Variants in PLK3 observed in about 807,000 individuals in gnomAD.
The protein encoded by PLK3 is serine/threonine-protein kinase PLK3.
In PLK3, 41 loss-of-function variants were observed where a neutral mutation model predicts 71.6. That is an observed-to-expected ratio of 0.57 (90% CI 0.45 to 0.74). The LOEUF (loss-of-function observed/expected upper bound fraction) is 0.74. PLK3 is among the 30% of genes least tolerant of loss of function. PLK3 has a pLI of 0.00. For synonymous variants in PLK3, 366 were observed against 355.4 expected (o/e 1.03, Z -0.33); for missense variants, 791 against 875.6 (o/e 0.90, Z 1.22).
In PLK3 at chr1:44,804,791, G is replaced by A. The variant is rs375165981; in HGVS notation, c.1635+12G>A. On this transcript the variant is annotated intron_variant, in intron 13 of 14. Coordinates refer to ENST00000372201, the MANE Select transcript of PLK3 (RefSeq NM_004073.4). Reference sequence around the variant, plus strand: ...AGCACCTCATGAAGGTGTGAGGGCTGGGGCTGTGGTACATTGAAACCTAAC... The same window carrying A: ...AGCACCTCATGAAGGTGTGAGGGCTAGGGCTGTGGTACATTGAAACCTAAC... 45 of 1,613,048 alleles carry A rather than the reference G, an allele frequency of 2.8e-5. No individual in the cohort carries two copies. Among genetic ancestry groups the A allele is most frequent in the Non-Finnish European group, 3.5e-5 (41 of 1,179,430 alleles).
chr1:44,803,994 C>A lies in PLK3; in HGVS notation c.1228C>A (p.Pro410Thr), dbSNP rs1367481188. The change falls in exon 10 of 15, where the codon CCC becomes ACC. Residue 410 changes from proline to threonine, a missense_variant. By Grantham distance (38) the Pro-to-Thr change is conservative. Coordinates refer to ENST00000372201, the MANE Select transcript of PLK3 (RefSeq NM_004073.4). This position sits in a 1 kb window ranked among gnomAD's most constrained non-coding sequence, Gnocchi z 4.3. ...LVETAPEDSS[P>T]RGTLASSGDG... ...AGAGACAGCACCTGAAGACAGCTCA[C>A]CCCGTGGGACACTGGCAAGCAGTGG... 8 of 1,554,000 alleles carry A rather than the reference C, an allele frequency of 5.1e-6. No individual in the cohort carries two copies. Among genetic ancestry groups the A allele is most frequent in the Non-Finnish European group, 5.2e-6 (6 of 1,147,624 alleles).
In PLK3 at chr1:44,803,091, C is replaced by A; in HGVS notation, c.886C>A (p.Arg296=). ...PARQLLAAIL[R]ASPRDRPSID... is the part of the protein sequence containing the mutation. ...CCGGCAGCTCCTGGCCGCCATCCTTCGGGCCTCACCCCGAGACCGCCCCTC... is the reference window on the plus strand; with the variant it reads ...CCGGCAGCTCCTGGCCGCCATCCTTAGGGCCTCACCCCGAGACCGCCCCTC... Residue 296 remains arginine, a synonymous_variant, in exon 7 of 15, where the codon CGG becomes AGG. Transcript: ENST00000372201. The surrounding 1 kb of genome is among the most constrained non-coding windows in gnomAD (Gnocchi z 4.3). 1.2e-6 allele frequency: 2 copies of A among 1,613,934 alleles called. No individual in the cohort carries two copies.
intron 5 of PLK3, 121 bp from the exon 6 acceptor site, chr1:44,802,639 C>A: frequency 2.7e-6 from 2 of 728,890 alleles, no homozygotes; most frequent in East Asian, 2.5e-5. Context: ...CCAGGACAAG[C>A]AGGAGTTCTC....
Position 44,801,910 on chromosome 1 carries a change from G to A in PLK3, c.631G>A (p.Glu211Lys), listed in dbSNP as rs375166158. 2.5e-6 allele frequency: 4 copies of A among 1,613,598 alleles called. No individual in the cohort carries two copies. The African/African-American group carries it at 4.0e-5, about 16-fold the overall frequency. Residue 211 changes from glutamate to lysine, a missense_variant, in exon 5 of 15, where the codon GAG becomes AAG. Transcript: ENST00000372201. ...GGATTTTGGGCTGGCAGCCCGGTTG[G>A]AGCCTCCGGAGCAGAGGAAGAAGTG... ...VGDFGLAARLEPPEQRKKTIC... is the reference protein window; with the variant it reads ...VGDFGLAARLKPPEQRKKTIC...
At chr1:44,801,574 G>A in intron 3 of PLK3, 48 bp from the exon 4 acceptor site, 3 of 1,591,258 alleles carry the variant, frequency 1.9e-6, no homozygotes, top group East Asian at 2.2e-5. Flanking sequence ...GATGGAGGGG[G>A]AGGGGGAGGG....
At chr1:44,802,704 C>T (rs1651871396) in intron 5 of PLK3, 56 bp from the exon 6 acceptor site, 4 of 1,208,316 alleles carry the variant, frequency 3.3e-6, no homozygotes, top group Non-Finnish European at 4.9e-6. Flanking sequence ...GGGAAGGAGT[C>T]GGGGGGCTGC....
At chr1:44,801,441 C>A (rs1651827139) in intron 3 of PLK3, among the ~76,000 whole-genome samples, 181 bp from the exon 4 acceptor site, 1 of 152,060 alleles carries the variant, frequency 6.6e-6, no homozygotes, top group Non-Finnish European at 1.5e-5. Flanking sequence ...AACTCCTGAC[C>A]TTGTGATACA....
rs1222788765 is a variant in PLK3, at chr1:44,804,344, C to A, written c.1348C>A (p.Gln450Lys). ...TCCCTCCTCTCCCATGACAGCGGAACAGAACCCGGCCCCCCTGGCCCAGCC... is the reference window on the plus strand; with the variant it reads ...TCCCTCCTCTCCCATGACAGCGGAAAAGAACCCGGCCCCCCTGGCCCAGCC... ...NCIAFMPPAE[Q>K]NPAPLAQPEP... The change falls in exon 12 of 15, where the codon CAG (glutamine) becomes AAG (lysine). Residue 450 changes from glutamine to lysine, a missense_variant. Transcript: ENST00000372201. The A allele has an allele frequency of 6.2e-7, 1 of 1,613,894 alleles. No homozygotes were observed. The highest frequency in any genetic ancestry group is 1.7e-5 in the Admixed American group (1 of 59,990).
In PLK3 at chr1:44,802,791, C is replaced by T; in HGVS notation, c.685C>T (p.Pro229Ser). The T allele has an allele frequency of 6.2e-7, 1 of 1,613,722 alleles. No individual in the cohort carries two copies. The highest frequency in any genetic ancestry group is 8.5e-7 in the Non-Finnish European group (1 of 1,179,886). The change falls in exon 6 of 15, where the codon CCA (proline) becomes TCA (serine). Residue 229 changes from proline to serine, a missense_variant. Transcript: ENST00000372201. Reference sequence around the variant, plus strand: ...CTGTGGCACCCCCAACTATGTGGCTCCAGAAGTGCTGCTGAGACAGGGCCA... The same window carrying T: ...CTGTGGCACCCCCAACTATGTGGCTTCAGAAGTGCTGCTGAGACAGGGCCA... ...TICGTPNYVAPEVLLRQGHGP... is the reference protein window; with the variant it reads ...TICGTPNYVASEVLLRQGHGP...
At position 44,800,571 on chromosome 1, in the gene PLK3, T is replaced by C; in HGVS notation, c.108T>C (p.Pro36=). ...PGPPPSALRG[P]ELEMLAGLPT... Reference sequence around the variant, plus strand: ...CGCCTCCGAGTGCCTTGCGCGGACCTGAGCTGGAGATGCTGGCCGGGCTAC... The same window carrying C: ...CGCCTCCGAGTGCCTTGCGCGGACCCGAGCTGGAGATGCTGGCCGGGCTAC... Residue 36 remains proline (P), a synonymous_variant, in exon 1 of 15, where the codon CCT becomes CCC. Coordinates refer to ENST00000372201, the MANE Select transcript of PLK3 (RefSeq NM_004073.4). The surrounding 1 kb of genome is among the most constrained non-coding windows in gnomAD (Gnocchi z 6.5). 6.5e-7 allele frequency: 1 copy of C among 1,530,480 alleles called. No individual in the cohort carries two copies. Among genetic ancestry groups the C allele is most frequent in the Non-Finnish European group, 8.7e-7 (1 of 1,143,622 alleles). 94.8% of individuals were successfully genotyped at this position (1,530,480 alleles called of 1,614,324 possible).
chr1:44,803,841 G>T lies in PLK3; in HGVS notation c.1165-90G>T. On this transcript the variant is annotated intron_variant, in intron 9 of 14. Coordinates refer to ENST00000372201, the MANE Select transcript of PLK3 (RefSeq NM_004073.4). The surrounding 1 kb of genome is among the most constrained non-coding windows in gnomAD (Gnocchi z 4.3). ...CAGCCTGGCGGGGCTGACCTGGGGT[G>T]CCCTGGGAGCCAGGGCAGGGCCAGG... is the stretch of plus-strand genomic sequence containing the variant. The T allele has an allele frequency of 8.6e-7, 1 of 1,166,100 alleles. No homozygotes were observed. The highest frequency in any genetic ancestry group is 1.2e-6 in the Non-Finnish European group (1 of 802,442). The allele number at this position is 1,166,100 out of a possible 1,614,324, so 72.2% of individuals were successfully genotyped here.
At chr1:44,805,239 A>G (rs1239984813) in intron 13 of PLK3, 27 bp from the exon 14 acceptor site, 2 of 1,499,944 alleles carry the variant, frequency 1.3e-6, no homozygotes, top group South Asian at 2.3e-5. Flanking sequence ...ACGCTGGATC[A>G]GTGACCTGCC....
chr1:44,802,948 C>A lies in PLK3; in HGVS notation c.750-7C>A, dbSNP rs1238554334. 6.8e-6 allele frequency: 11 copies of A among 1,613,900 alleles called. No homozygotes were observed. The highest frequency in any genetic ancestry group is 1.7e-6 in the Non-Finnish European group (2 of 1,179,848). The stretch of plus-strand genomic sequence containing the variant: ...TTTACTCCTGACCCCTTGGCCCTGC[C>A]CTATAGGTACACGCTGCTCTGCGGG... On this transcript the variant is annotated splice_polypyrimidine_tract_variant and splice_region_variant and intron_variant, in intron 6 of 14. Coordinates refer to ENST00000372201, the MANE Select transcript of PLK3 (RefSeq NM_004073.4).
Position 44,805,599 on chromosome 1 carries a change from G to A in PLK3, c.1862G>A (p.Arg621Gln). Residue 621 changes from arginine to glutamine, a missense_variant, in exon 15 of 15, where the codon CGG becomes CAG. By Grantham distance (43) the Arg-to-Gln change is conservative. Transcript: ENST00000372201. ...SACTYLASHL[R>Q]QLGCSPDLRQ... is the part of the protein sequence containing the mutation. Reference sequence around the variant, plus strand: ...TGTACTTACCTCGCTTCCCACCTTCGGCAGCTGGGCTGCTCTCCAGACCTG... The same window carrying A: ...TGTACTTACCTCGCTTCCCACCTTCAGCAGCTGGGCTGCTCTCCAGACCTG... The A allele has an allele frequency of 1.9e-6, 3 of 1,614,174 alleles. No homozygotes were observed. Among genetic ancestry groups the A allele is most frequent in the Non-Finnish European group, 2.5e-6 (3 of 1,180,008 alleles).
rs1651959763 is a variant in PLK3 at position 44,804,727 on chromosome 1, A to G, written c.1583A>G (p.Gln528Arg). 6.2e-7 allele frequency: 1 copy of G among 1,613,966 alleles called. No homozygotes were observed. Among genetic ancestry groups the G allele is most frequent in the South Asian group, 1.1e-5 (1 of 91,092 alleles). Residue 528 changes from glutamine to arginine, a missense_variant, in exon 13 of 15, where the codon CAG becomes CGG. Transcript: ENST00000372201. Reference sequence around the variant, plus strand: ...GCTGTGCCCCGGGCCCTGCAGCCTCAGCTGGGTATCCTGCGGTACTTCGCC... The same window carrying G: ...GCTGTGCCCCGGGCCCTGCAGCCTCGGCTGGGTATCCTGCGGTACTTCGCC... ...VGAVPRALQPQLGILRYFASY... is the reference protein window; with the variant it reads ...VGAVPRALQPRLGILRYFASY...
At position 44,805,114 on chromosome 1, in the gene PLK3, A is replaced by AAAAG. The variant is rs1313045682; in HGVS notation, c.1636-149_1636-148insGAAA. ...GAGCGAGACTCCATCTCAAAAAAAAAAAATAAAGAAAAGAAAACTAACCCA... is the reference window on the plus strand; with the variant it reads ...GAGCGAGACTCCATCTCAAAAAAAAAAAAGAAATAAAGAAAAGAAAACTAACCCA... On this transcript the variant is annotated intron_variant, in intron 13 of 14. Coordinates refer to ENST00000372201, the MANE Select transcript of PLK3 (RefSeq NM_004073.4). The AAAAG allele has an allele frequency of 8.8e-6, 5 of 566,230 alleles. No homozygotes were observed. In the Admixed American group the frequency reaches 9.4e-5, roughly 11 times the overall value. 35.1% of individuals were successfully genotyped at this position (566,230 alleles called of 1,614,324 possible). A position where few individuals can be genotyped will look rare whatever the true frequency, so the allele number is the denominator to read the frequency against.
At chr1:44,805,421 C>T (rs1651993204) in intron 14 of PLK3, 42 bp downstream of exon 14, 2 of 1,608,276 alleles carry the variant, frequency 1.2e-6, no homozygotes, top group African/African-American at 2.7e-5. Flanking sequence ...CTGGGAGGCC[C>T]AGGGTGCTGG....
Position 44,803,433 on chromosome 1 carries a change from G to C in PLK3, c.1072+42G>C, listed in dbSNP as rs1423306770. The C allele has an allele frequency of 1.2e-6, 2 of 1,611,974 alleles. No homozygotes were observed. The highest frequency in any genetic ancestry group is 1.3e-5 in the African/African-American group (1 of 74,898). Reference sequence around the variant, plus strand: ...AGTGGGTTGAGGGGGCAGAGCAGTAGAGCGGCTTGTCACATTTGTCTTGGG... The same window carrying C: ...AGTGGGTTGAGGGGGCAGAGCAGTACAGCGGCTTGTCACATTTGTCTTGGG... On this transcript the variant is annotated intron_variant, in intron 8 of 14. Coordinates refer to ENST00000372201, the MANE Select transcript of PLK3 (RefSeq NM_004073.4). The surrounding 1 kb of genome is among the most constrained non-coding windows in gnomAD (Gnocchi z 4.3).
Position 44,804,459 on chromosome 1 carries a change from T to C in PLK3, c.1463T>C (p.Leu488Pro), listed in dbSNP as rs1421398180. 1 of 1,614,184 alleles carries C rather than the reference T, an allele frequency of 6.2e-7. No homozygotes were observed. Among genetic ancestry groups the C allele is most frequent in the Non-Finnish European group, 8.5e-7 (1 of 1,179,988 alleles). ...YQLSSRRVAV[L>P]FNDGTHMALS... ...CTGTCCAGCCGCCGTGTGGCTGTGC[T>C]CTTCAACGATGGCACACATATGGCC... Residue 488 changes from leucine (L) to proline (P), a missense_variant, in exon 12 of 15, where the codon CTC becomes CCC. Leu to Pro is a moderately conservative substitution (Grantham distance 98, BLOSUM62 -3). Coordinates refer to ENST00000372201, the MANE Select transcript of PLK3 (RefSeq NM_004073.4).
Sources: gnomAD v4.1 joint callset for allele counts (sites outside exome capture counted in the v4.1 genomes callset) on GRCh38, gnomAD v4.1.1 for gene constraint, Gnocchi (gnomAD v3.1) non-coding constraint, MANE v1.5 for transcripts, NCBI Gene and HGNC (gene_info 2026-07-23, HGNC 2026-07-21) for gene names.